ADAMTS13: variants seen among roughly 807,000 people sequenced by gnomAD.
The protein encoded by ADAMTS13 is A disintegrin and metalloproteinase with thrombospondin motifs 13.
ADAMTS13 carries 110 observed loss-of-function variants against 155.1 expected under a neutral mutation model. That is an observed-to-expected ratio of 0.71 (90% CI 0.61 to 0.83). The LOEUF is 0.83. Ranked by LOEUF, ADAMTS13 falls within the 40% of genes least tolerant of loss-of-function variation. The probability of loss-of-function intolerance (pLI) is 0.00; values close to 1 mark genes in which losing one functional copy is unlikely to be tolerated. For missense variants in ADAMTS13, 1,707 were observed against 1,891.7 expected (o/e 0.90, Z 1.81); for synonymous variants, 758 against 756.4 (o/e 1.00, Z -0.03).
chr9:133,427,565 TG>T (rs1292392964), intron 6 of ADAMTS13, among the ~76,000 whole-genome samples: 1 of 152,130 alleles, frequency 6.6e-6, no homozygotes, highest in African/African-American at 2.4e-5. Context: ...CTTCTGCTCC[TG>T]TGATGCAGAA....
Position 133,454,405 on chromosome 9 carries a change from C to T in ADAMTS13, c.3045-10C>T. 1 of 1,613,740 alleles carries T rather than the reference C, an allele frequency of 6.2e-7. No homozygotes were observed. On this transcript the variant is annotated splice_polypyrimidine_tract_variant and intron_variant, in intron 23 of 28. Coordinates refer to ENST00000355699, the MANE Select transcript of ADAMTS13 (RefSeq NM_139027.6). ...ACCTAGCCTCTCTCTGGGGTCTTCT[C>T]TTCCTGCAGGTGGAAAGTCATGTCC...
chr9:133,453,042 C>T (rs587610543), intron 23 of ADAMTS13, among the ~76,000 whole-genome samples: 55 of 152,240 alleles, frequency 3.6e-4, no homozygotes, highest in African/African-American at 1.2e-3. Context: ...CCTCCTGTGA[C>T]GCTCTGCTTG....
chr9:133,459,383 C>G lies in ADAMTS13; in HGVS notation c.*203C>G. The G allele has an allele frequency of 1.4e-6, 1 of 689,922 alleles. No homozygotes were observed. The highest frequency in any genetic ancestry group is 2.6e-6 in the Non-Finnish European group (1 of 383,064). The allele number at this position is 689,922 out of a possible 1,614,324, so 42.7% of individuals were successfully genotyped here. A position where few individuals can be genotyped will look rare whatever the true frequency, so the allele number is the denominator to read the frequency against. ...GGTACCAATAAATAAAACATGCAGGCTGACCGGCGTTTTTTTCTTATAAGC... is the reference window on the plus strand; with the variant it reads ...GGTACCAATAAATAAAACATGCAGGGTGACCGGCGTTTTTTTCTTATAAGC... On this transcript the variant is annotated 3_prime_UTR_variant, in exon 29 of 29. Transcript: ENST00000355699.
chr9:133,431,581 C>T (rs1394416776), intron 8 of ADAMTS13, among the ~76,000 whole-genome samples: 1 of 152,160 alleles, frequency 6.6e-6, no homozygotes, highest in East Asian at 1.9e-4. Context: ...CCCGCCTTGG[C>T]CTCCCAAAGT....
At chr9:133,454,379 G>C (rs782159628) in intron 23 of ADAMTS13, 36 bp from the exon 24 acceptor site, 10 of 1,610,974 alleles carry the variant, frequency 6.2e-6, no homozygotes, top group Non-Finnish European at 8.5e-6. Context: ...TCTCTGGGGA[G>C]ACCTAGCCTC....
chr9:133,456,329 T>C lies in ADAMTS13; in HGVS notation c.3547+114T>C, dbSNP rs1842741323. Reference sequence around the variant, plus strand: ...CCCATGTGCATTCCCACCTGTAGTTTGCATCCCATCTCATGACTGGGGAGT... The same window carrying C: ...CCCATGTGCATTCCCACCTGTAGTTCGCATCCCATCTCATGACTGGGGAGT... On this transcript the variant is annotated intron_variant, in intron 26 of 28. Coordinates refer to ENST00000355699, the MANE Select transcript of ADAMTS13 (RefSeq NM_139027.6). This position sits in a 1 kb window ranked among gnomAD's most constrained non-coding sequence, Gnocchi z 4.4. The C allele has an allele frequency of 2.0e-6, 3 of 1,530,198 alleles. No homozygotes were observed. The East Asian group carries it at 7.0e-5, about 35-fold the overall frequency. 94.8% of individuals were successfully genotyped at this position (1,530,198 alleles called of 1,614,324 possible). A position where few individuals can be genotyped will look rare whatever the true frequency, so the allele number is the denominator to read the frequency against.
Position 133,424,292 on chromosome 9 carries a change from C to T in ADAMTS13, c.173-29C>T, listed in dbSNP as rs1004947452. 5.6e-6 allele frequency: 9 copies of T among 1,609,282 alleles called. No individual in the cohort carries two copies. The highest frequency in any genetic ancestry group is 5.0e-5 in the Admixed American group (3 of 59,988). Reference sequence around the variant, plus strand: ...TCCACTGCTTGCTCTCTAGAACCATCGCCCTCTGCTCTCCCTCTCCCCCTC... The same window carrying T: ...TCCACTGCTTGCTCTCTAGAACCATTGCCCTCTGCTCTCCCTCTCCCCCTC... On this transcript the variant is annotated intron_variant, in intron 2 of 28. Coordinates refer to ENST00000355699, the MANE Select transcript of ADAMTS13 (RefSeq NM_139027.6). This position sits in a 1 kb window ranked among gnomAD's most constrained non-coding sequence, Gnocchi z 4.3.
chr9:133,446,911 G>A (rs1410322798), intron 21 of ADAMTS13, among the ~76,000 whole-genome samples: 1 of 152,188 alleles, frequency 6.6e-6, no homozygotes, highest in African/African-American at 2.4e-5. Flanking sequence ...AGGCTGGAGT[G>A]CAGTGGCATG....
chr9:133,440,202 G>T lies in ADAMTS13; in HGVS notation c.1787-142G>T. ...TTGTGGAAAGAGGCCTAGAGCCTCC[G>T]CTGTGGGGAAGCCTCTAGCTCAGAT... is the stretch of plus-strand genomic sequence containing the variant. On this transcript the variant is annotated intron_variant, in intron 15 of 28. Coordinates refer to ENST00000355699, the MANE Select transcript of ADAMTS13 (RefSeq NM_139027.6). This position sits in a 1 kb window ranked among gnomAD's most constrained non-coding sequence, Gnocchi z 4.3. 2 of 1,007,360 alleles carry T rather than the reference G, an allele frequency of 2.0e-6. No homozygotes were observed. Among genetic ancestry groups the T allele is most frequent in the Non-Finnish European group, 3.0e-6 (2 of 658,510 alleles). 62.4% of individuals were successfully genotyped at this position (1,007,360 alleles called of 1,614,324 possible).
chr9:133,431,536 C>T lies in ADAMTS13; in HGVS notation c.988-1052C>T, dbSNP rs587625570. Among the ~76,000 whole-genome samples, 399 of 152,128 alleles carry T rather than the reference C, an allele frequency of 2.6e-3. 2 individuals carry two copies. The highest frequency in any genetic ancestry group is 8.6e-3 in the African/African-American group (357 of 41,490). ...AGAGACAGGGTTTCATCATGTTGGC[C>T]GGGCTGGTCTCGAATTCTGACCTCA... On this transcript the variant is annotated intron_variant, in intron 8 of 28. Coordinates refer to ENST00000355699, the MANE Select transcript of ADAMTS13 (RefSeq NM_139027.6).
intron 19 of ADAMTS13, 116 bp downstream of exon 19, chr9:133,443,677 C>A: frequency 8.4e-7 from 1 of 1,183,978 alleles, no homozygotes; most frequent in Non-Finnish European, 1.1e-6. Context: ...CGGGGCCTCA[C>A]CATCCAGGGT....
In ADAMTS13 at chr9:133,424,530, C is replaced by G. The variant is rs146323361; in HGVS notation, c.330+52C>G. On this transcript the variant is annotated intron_variant, in intron 3 of 28. Coordinates refer to ENST00000355699, the MANE Select transcript of ADAMTS13 (RefSeq NM_139027.6). The surrounding 1 kb of genome is among the most constrained non-coding windows in gnomAD (Gnocchi z 4.3). ...GGTCCCCACGGCCAGGGCTGGTGAC[C>G]AATGTCTGTGGGCTGGTGTATCTGG... The G allele has an allele frequency of 6.3e-7, 1 of 1,577,716 alleles. No homozygotes were observed. The highest frequency in any genetic ancestry group is 1.4e-5 in the African/African-American group (1 of 74,018).
chr9:133,454,500 C>T lies in ADAMTS13; in HGVS notation c.3130C>T (p.Gln1044Ter), dbSNP rs1554795135. 1 of 1,612,740 alleles carries T rather than the reference C, an allele frequency of 6.2e-7. No homozygotes were observed. Among genetic ancestry groups the T allele is most frequent in the East Asian group, 2.2e-5 (1 of 44,886 alleles). ...RRSVACVQLDQGQDVEVDEAA... is the reference protein window; with the variant it reads ...RRSVACVQLD ...CTCGGTGGCCTGTGTGCAGCTCGAC[C>T]AAGGCCAGGACGTGGAGGTGGACGA... The change falls in exon 24 of 29, where the codon CAA becomes TAA. Residue 1044 changes from glutamine (Q) to a stop codon, truncating the protein, a stop_gained. Transcript: ENST00000355699. LOFTEE classifies it high-confidence loss of function.
chr9:133,445,597 C>T lies in ADAMTS13; in HGVS notation c.2611-102C>T. On this transcript the variant is annotated intron_variant, in intron 20 of 28. Coordinates refer to ENST00000355699, the MANE Select transcript of ADAMTS13 (RefSeq NM_139027.6). This position sits in a 1 kb window ranked among gnomAD's most constrained non-coding sequence, Gnocchi z 5.0. ...GGAGGGAGCCCCTGGTGCACACACG[C>T]CACTTCCTGGTCTCTCTGCTGCTGC... 1 of 1,586,056 alleles carries T rather than the reference C, an allele frequency of 6.3e-7. No individual in the cohort carries two copies. Among genetic ancestry groups the T allele is most frequent in the East Asian group, 2.3e-5 (1 of 44,194 alleles).
rs1554789729 is a variant in ADAMTS13 at position 133,438,351 on chromosome 9, G to T, written c.1690G>T (p.Ala564Ser). ...CAGCCCACGGAAGGGCTCTTTCACAGCTGGCAGAGCGAGAGGTAGGCGGCC... is the reference window on the plus strand; with the variant it reads ...CAGCCCACGGAAGGGCTCTTTCACATCTGGCAGAGCGAGAGGTAGGCGGCC... Reference protein sequence around the residue: ...TCSPRKGSFTAGRAREYVTFL... With the variant: ...TCSPRKGSFTSGRAREYVTFL... The change falls in exon 14 of 29, where the codon GCT becomes TCT. Residue 564 changes from alanine (A) to serine (S), a missense_variant. By Grantham distance (99) the Ala-to-Ser change is moderately conservative. Transcript: ENST00000355699. The T allele has an allele frequency of 1.2e-6, 2 of 1,613,912 alleles. No homozygotes were observed. Among genetic ancestry groups the T allele is most frequent in the Non-Finnish European group, 1.7e-6 (2 of 1,180,008 alleles).
upstream of ADAMTS13, among the ~76,000 whole-genome samples, chr9:133,421,743 G>A (rs892058531): frequency 6.6e-6 from 1 of 152,194 alleles, no homozygotes; most frequent in Non-Finnish European, 1.5e-5. Flanking sequence ...GTGTAGGTGT[G>A]TCCTCCCTGA....
At position 133,433,515 on chromosome 9, in the gene ADAMTS13, G is replaced by A; in HGVS notation, c.1230G>A (p.Gln410=). ...CGGGVVTRRR[Q]CNNPRPAFGG... ...GAGGTGTGGTCACCAGGAGGCGGCA[G>A]TGCAACAACCCCAGGTACCGCAGGG... The change falls in exon 10 of 29, where the codon CAG becomes CAA. Residue 410 remains glutamine, a synonymous_variant. Transcript: ENST00000355699. 1.2e-6 allele frequency: 2 copies of A among 1,613,580 alleles called. No individual in the cohort carries two copies. Among genetic ancestry groups the A allele is most frequent in the Non-Finnish European group, 1.7e-6 (2 of 1,179,908 alleles).
At chr9:133,443,234 TG>T in intron 18 of ADAMTS13, 141 bp from the exon 19 acceptor site, 1 of 1,066,158 alleles carries the variant, frequency 9.4e-7, no homozygotes, top group Non-Finnish European at 1.4e-6. Flanking sequence ...TCTGGCAGCC[TG>T]GGAACACCTG....
Position 133,456,589 on chromosome 9 carries a change from C to T in ADAMTS13, c.3594C>T (p.Cys1198=), listed in dbSNP as rs782170295. ...GCCGGCTCACCTGGAGGAAGATGTGCAGGAAGCTGTTGGACATGACTTTCA... is the reference window on the plus strand; with the variant it reads ...GCCGGCTCACCTGGAGGAAGATGTGTAGGAAGCTGTTGGACATGACTTTCA... ...LWGRLTWRKM[C]RKLLDMTFSS... is the part of the protein sequence containing the mutation. The change falls in exon 27 of 29, where the codon TGC becomes TGT. Residue 1198 remains cysteine, a synonymous_variant. Coordinates refer to ENST00000355699, the MANE Select transcript of ADAMTS13 (RefSeq NM_139027.6). This position sits in a 1 kb window ranked among gnomAD's most constrained non-coding sequence, Gnocchi z 4.4. 3 of 1,613,348 alleles carry T rather than the reference C, an allele frequency of 1.9e-6. No homozygotes were observed. Among genetic ancestry groups the T allele is most frequent in the East Asian group, 4.5e-5 (2 of 44,892 alleles).
Sources: allele counts gnomAD v4.1 joint callset (sites outside exome capture counted in the v4.1 genomes callset), GRCh38; gene constraint gnomAD v4.1.1; non-coding constraint Gnocchi (gnomAD v3.1); transcripts MANE v1.5; gene names NCBI Gene and HGNC (gene_info 2026-07-23, HGNC 2026-07-21).